GALNT13: variants seen among roughly 807,000 people sequenced by gnomAD.
GALNT13 encodes the protein UDP-GalNAc:polypeptide N-acetylgalactosaminyltransferase 13.
In GALNT13, 28 loss-of-function variants were observed where a neutral mutation model predicts 64.2. That is an observed-to-expected ratio of 0.44 (90% CI 0.32 to 0.60). The LOEUF is 0.60. GALNT13 is among the 20% of genes least tolerant of loss of function. GALNT13 has a pLI of 0.05. For synonymous variants in GALNT13, 214 were observed against 224.6 expected (o/e 0.95, Z 0.42); for missense variants, 577 against 669.8 (o/e 0.86, Z 1.53).
the GALNT13 span, among the ~76,000 whole-genome samples, chr2:153,600,257 T>G: frequency 6.6e-6 from 1 of 151,994 alleles, no homozygotes; most frequent in African/African-American, 2.4e-5. Context: ...CATTTCTTAT[T>G]TCATGCTATC....
the GALNT13 span, among the ~76,000 whole-genome samples, chr2:153,168,785 T>A: frequency 6.6e-6 from 1 of 152,352 alleles, no homozygotes; most frequent in African/African-American, 2.4e-5. Flanking sequence ...AATTGCCACA[T>A]GTGCTTTACA....
chr2:154,006,520 A>T (rs1183691317), intron 3 of GALNT13, among the ~76,000 whole-genome samples: 1 of 152,148 alleles, frequency 6.6e-6, no homozygotes, highest in Admixed American at 6.5e-5. Context: ...ATAAAATCTC[A>T]TAACATATCA....
At chr2:154,250,718 T>A (rs565624655) in intron 7 of GALNT13, among the ~76,000 whole-genome samples, 77 of 152,228 alleles carry the variant, frequency 5.1e-4, no homozygotes, top group African/African-American at 1.8e-3. Flanking sequence ...TTATATTTAG[T>A]AGTAACAAAT....
At chr2:153,881,323 G>A (rs1462299486) in intron 1 of GALNT13, among the ~76,000 whole-genome samples, 1 of 152,184 alleles carries the variant, frequency 6.6e-6, no homozygotes, top group Non-Finnish European at 1.5e-5. Flanking sequence ...AAATCATTGT[G>A]ATATTGATAG....
chr2:153,930,091 A>G (rs1029417162), intron 2 of GALNT13, among the ~76,000 whole-genome samples: 1 of 152,108 alleles, frequency 6.6e-6, no homozygotes, highest in Admixed American at 6.6e-5. Flanking sequence ...TTCTCTAATT[A>G]TTAGTGACGT....
At chr2:153,750,668 G>A in the GALNT13 span, among the ~76,000 whole-genome samples, 4 of 151,650 alleles carry the variant, frequency 2.6e-5, no homozygotes, top group South Asian at 2.1e-4. Flanking sequence ...CAGTTGTAAC[G>A]TCTCCATTTT....
chr2:153,768,008 T>C, the GALNT13 span, among the ~76,000 whole-genome samples: 1 of 152,150 alleles, frequency 6.6e-6, no homozygotes, highest in African/African-American at 2.4e-5. Flanking sequence ...TAGGGTGTCA[T>C]CATAAATTTT....
chr2:153,522,576 G>A, the GALNT13 span, among the ~76,000 whole-genome samples: 1 of 152,180 alleles, frequency 6.6e-6, no homozygotes, highest in African/African-American at 2.4e-5. Context: ...GAGTATAGTG[G>A]TATCTTGTTG....
chr2:153,145,784 T>C, the GALNT13 span, among the ~76,000 whole-genome samples: 1 of 151,898 alleles, frequency 6.6e-6, no homozygotes, highest in African/African-American at 2.4e-5. Context: ...TCTGTGGCCA[T>C]GAAGGATAGT....
the GALNT13 span, among the ~76,000 whole-genome samples, chr2:153,559,237 TGAAA>T: frequency 2.8e-4 from 42 of 152,284 alleles, no homozygotes; most frequent in African/African-American, 9.1e-4. Context: ...TCTAATTGTC[TGAAA>T]GAGTCTTTTT....
At chr2:153,950,652 A>G (rs1287179414) in intron 3 of GALNT13, among the ~76,000 whole-genome samples, 1 of 152,142 alleles carries the variant, frequency 6.6e-6, no homozygotes, top group East Asian at 1.9e-4. Context: ...AATAATCCAT[A>G]GATCTATTAA....
At chr2:153,100,944 G>T in the GALNT13 span, among the ~76,000 whole-genome samples, 3 of 152,038 alleles carry the variant, frequency 2.0e-5, no homozygotes, top group Non-Finnish European at 4.4e-5. Context: ...CAGGAAAATC[G>T]CTGGAACCCG....
chr2:154,117,702 A>G (rs1681673620), intron 3 of GALNT13, among the ~76,000 whole-genome samples: 1 of 152,194 alleles, frequency 6.6e-6, no homozygotes, highest in South Asian at 2.1e-4. Context: ...CAGCCAACTG[A>G]TCCTGGACAA....
At chr2:153,226,065 T>C in the GALNT13 span, among the ~76,000 whole-genome samples, 1 of 152,040 alleles carries the variant, frequency 6.6e-6, no homozygotes, top group Non-Finnish European at 1.5e-5. Context: ...TCCTTAGTAG[T>C]AGCTGGGACT....
At chr2:153,463,494 CCAAA>C in the GALNT13 span, among the ~76,000 whole-genome samples, 1 of 152,008 alleles carries the variant, frequency 6.6e-6, no homozygotes, top group African/African-American at 2.4e-5. Flanking sequence ...GCGCCTATAG[CCAAA>C]CAAAGTCACT....
chr2:153,553,227 T>A, the GALNT13 span, among the ~76,000 whole-genome samples: 1 of 140,342 alleles, frequency 7.1e-6, no homozygotes. Flanking sequence ...TGAAATTAGA[T>A]GTTGGCCACA....
chr2:153,197,106 G>A, the GALNT13 span, among the ~76,000 whole-genome samples: 7,788 of 152,250 alleles, frequency 0.051, 634 homozygotes, highest in African/African-American at 0.17. Context: ...GGACAACTCC[G>A]TGCTCAGGTC....
intron 11 of GALNT13, among the ~76,000 whole-genome samples, chr2:154,422,422 T>C (rs1700294136): frequency 6.6e-6 from 1 of 152,108 alleles, no homozygotes; most frequent in Admixed American, 6.6e-5. Flanking sequence ...ATACAAAGCA[T>C]GAAGCTACAT....
the GALNT13 span, among the ~76,000 whole-genome samples, chr2:153,703,712 G>C: frequency 6.6e-6 from 1 of 152,182 alleles, no homozygotes; most frequent in South Asian, 2.1e-4. Context: ...ATCAAACCAA[G>C]CTGAAAGTAG....
Sources: allele counts gnomAD v4.1 joint callset (sites outside exome capture counted in the v4.1 genomes callset), GRCh38; gene constraint gnomAD v4.1.1; transcripts MANE v1.5; gene names NCBI Gene and HGNC (gene_info 2026-07-23, HGNC 2026-07-21).